HPSE2: variants seen among roughly 807,000 people sequenced by gnomAD.
HPSE2 encodes inactive heparanase-2.
HPSE2 carries 38 observed loss-of-function variants against 60.5 expected under a neutral mutation model. The ratio of observed to expected loss-of-function variants is 0.63; its 90% confidence interval spans 0.48 to 0.82. The LOEUF (loss-of-function observed/expected upper bound fraction) is 0.82, where lower values mean the gene tolerates loss of function less well. Among genes scored for constraint, HPSE2 ranks in the 40% least tolerant of loss-of-function variants. HPSE2 has a pLI of 0.00. For synonymous variants in HPSE2, 295 were observed against 293.2 expected (o/e 1.01, Z -0.06); for missense variants, 713 against 740.4 (o/e 0.96, Z 0.43).
At chr10:98,909,584 C>T (rs895433358) in intron 3 of HPSE2, among the ~76,000 whole-genome samples, 4 of 150,100 alleles carry the variant, frequency 2.7e-5, no homozygotes, top group Admixed American at 1.3e-4. Flanking sequence ...GAGCCGAGAT[C>T]GCGCCACTGC....
At chr10:98,511,934 C>A (rs770913760) in intron 9 of HPSE2, among the ~76,000 whole-genome samples, 2 of 152,166 alleles carry the variant, frequency 1.3e-5, no homozygotes, top group Non-Finnish European at 2.9e-5. Flanking sequence ...CTTCCTGAAG[C>A]CTGTTGTGTG....
intron 6 of HPSE2, among the ~76,000 whole-genome samples, chr10:98,665,026 T>A (rs115634803): frequency 2.0e-5 from 3 of 152,154 alleles, no homozygotes; most frequent in Non-Finnish European, 4.4e-5. Context: ...CAGGAGAAAG[T>A]TGAAACCCAA....
chr10:98,710,480 T>C (rs546228725), intron 5 of HPSE2, among the ~76,000 whole-genome samples: 2 of 152,284 alleles, frequency 1.3e-5, no homozygotes, highest in South Asian at 4.1e-4. Flanking sequence ...GGCTTAAATA[T>C]ACAGGAATTA....
intron 3 of HPSE2, among the ~76,000 whole-genome samples, chr10:99,077,054 G>A (rs1283245412): frequency 6.6e-6 from 1 of 152,114 alleles, no homozygotes; most frequent in Non-Finnish European, 1.5e-5. Context: ...GGCCTGCAGG[G>A]TTTCTGCTGA....
chr10:99,249,438 A>G, the HPSE2 span, among the ~76,000 whole-genome samples: 1 of 152,112 alleles, frequency 6.6e-6, no homozygotes, highest in Non-Finnish European at 1.5e-5. Flanking sequence ...TCTTTGGCTG[A>G]TTTCTCCCTT....
At chr10:99,105,694 G>T (rs1844218015) in intron 3 of HPSE2, among the ~76,000 whole-genome samples, 2 of 151,158 alleles carry the variant, frequency 1.3e-5, no homozygotes, top group Non-Finnish European at 3.0e-5. Context: ...AGAACTCTTT[G>T]CCCACACCAA....
intron 3 of HPSE2, among the ~76,000 whole-genome samples, chr10:99,059,381 T>A (rs1407769533): frequency 6.6e-6 from 1 of 152,216 alleles, no homozygotes; most frequent in African/African-American, 2.4e-5. Flanking sequence ...TAAATATATA[T>A]CTGAAATAAA....
At chr10:99,094,540 A>ATATATATTTTTTT (rs1843646305) in intron 3 of HPSE2, among the ~76,000 whole-genome samples, 1 of 26,614 alleles carries the variant, frequency 3.8e-5, no homozygotes, top group Non-Finnish European at 6.0e-5. Flanking sequence ...ATATATATAT[A>ATATATATTTTTTT]TTTTTTTTTT....
At chr10:98,504,685 G>C (rs1230088466) in intron 9 of HPSE2, among the ~76,000 whole-genome samples, 1 of 151,994 alleles carries the variant, frequency 6.6e-6, no homozygotes, top group Non-Finnish European at 1.5e-5. Flanking sequence ...CGCTATTCAG[G>C]AGGCTGAGGC....
chr10:98,571,737 C>G (rs905320171), intron 9 of HPSE2, among the ~76,000 whole-genome samples: 9 of 152,108 alleles, frequency 5.9e-5, no homozygotes, highest in Admixed American at 1.3e-4. Context: ...TTCAAAGGTG[C>G]CTTCGAGACA....
At chr10:99,159,835 T>G (rs149680219) in intron 2 of HPSE2, among the ~76,000 whole-genome samples, 2 of 152,140 alleles carry the variant, frequency 1.3e-5, no homozygotes, top group Non-Finnish European at 2.9e-5. Context: ...AGTAAAAGTG[T>G]TCGCTCTTTA....
At chr10:98,769,709 T>C (rs1950201496) in intron 3 of HPSE2, among the ~76,000 whole-genome samples, 2 of 152,130 alleles carry the variant, frequency 1.3e-5, no homozygotes, top group South Asian at 4.1e-4. Context: ...AGAAAAGAGG[T>C]CACCAAATAT....
intron 3 of HPSE2, among the ~76,000 whole-genome samples, chr10:98,866,978 C>T (rs767966500): frequency 6.6e-6 from 1 of 151,996 alleles, no homozygotes. Context: ...AGATAGTCCC[C>T]GACTTACAAT....
At chr10:98,548,131 G>A (rs76180670) in intron 9 of HPSE2, among the ~76,000 whole-genome samples, 6,468 of 152,134 alleles carry the variant, frequency 0.043, 210 homozygotes, top group Non-Finnish European at 0.068. Context: ...AATGATAGTC[G>A]TATATTCCAT....
rs1370556897 is a variant in HPSE2, at chr10:98,620,835, T to A, written c.1099-127A>T. On this transcript the variant is annotated intron_variant, in intron 7 of 11. Coordinates refer to ENST00000370552, the MANE Select transcript of HPSE2 (RefSeq NM_021828.5). ...GTTTTCAGGGGGTCATGATTTGTGC[T>A]TTCTTATGATGATGCACCCAGTTCA... The A allele has an allele frequency of 1.7e-5, 13 of 744,924 alleles. No individual in the cohort carries two copies. The Admixed American group carries it at 2.4e-4, about 14-fold the overall frequency. 46.1% of individuals were successfully genotyped at this position (744,924 alleles called of 1,614,324 possible). A position where few individuals can be genotyped will look rare whatever the true frequency, so the allele number is the denominator to read the frequency against.
At chr10:99,204,849 C>G (rs770276557) in intron 2 of HPSE2, among the ~76,000 whole-genome samples, 4 of 152,150 alleles carry the variant, frequency 2.6e-5, no homozygotes, top group Admixed American at 2.6e-4. Flanking sequence ...AGATAGTAGT[C>G]TATGTTATTT....
the HPSE2 span, among the ~76,000 whole-genome samples, chr10:99,294,001 C>G: frequency 0.017 from 2,639 of 152,224 alleles, 69 homozygotes; most frequent in African/African-American, 0.06. Context: ...AAACTCCAAA[C>G]CAGATTCAGG....
At chr10:98,715,828 A>C (rs1271357243) in intron 5 of HPSE2, among the ~76,000 whole-genome samples, 1 of 152,024 alleles carries the variant, frequency 6.6e-6, no homozygotes, top group East Asian at 1.9e-4. Flanking sequence ...CTGACTGATC[A>C]AGGTGGTGAT....
At chr10:98,566,434 C>T (rs1361982858) in intron 9 of HPSE2, among the ~76,000 whole-genome samples, 2 of 152,122 alleles carry the variant, frequency 1.3e-5, no homozygotes, top group Admixed American at 1.3e-4. Context: ...TGCACATGCA[C>T]GGGAGGCATT....
Sources: gnomAD v4.1 joint callset for allele counts (sites outside exome capture counted in the v4.1 genomes callset) on GRCh38, gnomAD v4.1.1 for gene constraint, MANE v1.5 for transcripts, NCBI Gene and HGNC (gene_info 2026-07-23, HGNC 2026-07-21) for gene names.